The following TMPRSS15 variants were observed in gnomAD, a reference collection of about 807,000 sequenced individuals.
TMPRSS15 encodes enteropeptidase.
In TMPRSS15, 128 loss-of-function variants were observed where a neutral mutation model predicts 125.3. That is an observed-to-expected ratio of 1.02 (90% confidence interval 0.89 to 1.18). The LOEUF (loss-of-function observed/expected upper bound fraction) is 1.18. Ranked by LOEUF, TMPRSS15 falls within the 50% of genes most tolerant of loss-of-function variation. The pLI is 0.00. For missense variants in TMPRSS15, 1,283 were observed against 1,212.7 expected, an observed-to-expected ratio of 1.06 and a Z score of -0.86; for synonymous variants, 446 against 423.2, an observed-to-expected ratio of 1.05 and a Z score of -0.66.
At chr21:18,358,753 A>G (rs554009635) in intron 8 of TMPRSS15, among the ~76,000 whole-genome samples, 2 of 152,146 alleles carry the variant, frequency 1.3e-5, no homozygotes, top group African/African-American at 4.8e-5. Flanking sequence ...GTTTGTTGAA[A>G]ATATTAAAGA....
At chr21:18,271,449 C>T (rs1438573038) in intron 24 of TMPRSS15, among the ~76,000 whole-genome samples, 2 of 152,274 alleles carry the variant, frequency 1.3e-5, no homozygotes, top group East Asian at 3.9e-4. Context: ...GTTGCAGTTA[C>T]TCAAGGATCC....
intron 8 of TMPRSS15, among the ~76,000 whole-genome samples, chr21:18,354,291 G>A (rs1208235864): frequency 1.3e-5 from 2 of 151,720 alleles, no homozygotes; most frequent in Non-Finnish European, 3.0e-5. Context: ...AGAAACAAAA[G>A]AGTATTCTTT....
Position 18,353,828 on chromosome 21 carries a change from T to A in TMPRSS15, c.916A>T (p.Ile306Phe). ...GTGGCAGTAACTTGGTTGGAAAAAA[T>A]TCTTATTGTGCCAGGATTAGTTTCC... ...IWETNPGTIR[I>F]FSNQVTATFL... The change falls in exon 9 of 25, where the codon ATT (isoleucine) becomes TTT (phenylalanine). Residue 306 changes from isoleucine to phenylalanine, a missense_variant. Physicochemically the swap from Ile to Phe is conservative, Grantham distance 21. Coordinates refer to ENST00000284885, the MANE Select transcript of TMPRSS15 (RefSeq NM_002772.3). 1 of 1,611,604 alleles carries A rather than the reference T, an allele frequency of 6.2e-7. No individual in the cohort carries two copies. Among genetic ancestry groups the A allele is most frequent in the Non-Finnish European group, 8.5e-7 (1 of 1,178,298 alleles).
At chr21:18,344,616 A>C (rs1299733685) in intron 10 of TMPRSS15, among the ~76,000 whole-genome samples, 1 of 152,210 alleles carries the variant, frequency 6.6e-6, no homozygotes, top group East Asian at 1.9e-4. Flanking sequence ...ATCACTGAGA[A>C]GCAGAAAGCA....
At chr21:18,325,469 G>T (rs755411552) in intron 16 of TMPRSS15, among the ~76,000 whole-genome samples, 2 of 152,046 alleles carry the variant, frequency 1.3e-5, no homozygotes, top group Non-Finnish European at 2.9e-5. Flanking sequence ...GGTCAGTTGT[G>T]AGTGGAGGAA....
At chr21:18,370,119 A>C (rs954838066) in intron 6 of TMPRSS15, among the ~76,000 whole-genome samples, 2 of 152,058 alleles carry the variant, frequency 1.3e-5, no homozygotes, top group Non-Finnish European at 2.9e-5. Flanking sequence ...CAGTTTGACT[A>C]TATTTTTAAA....
chr21:18,444,052 C>T (rs977163823), intron 1 of TMPRSS15, among the ~76,000 whole-genome samples: 2 of 152,112 alleles, frequency 1.3e-5, no homozygotes, highest in African/African-American at 2.4e-5. Flanking sequence ...ATCCGGATGG[C>T]AGGGTGGGTG....
intron 6 of TMPRSS15, among the ~76,000 whole-genome samples, chr21:18,365,954 C>T (rs1210193338): frequency 1.3e-5 from 2 of 151,752 alleles, no homozygotes; most frequent in East Asian, 3.9e-4. Context: ...AGGCTGGTCT[C>T]GATCTCCTGA....
intron 1 of TMPRSS15, among the ~76,000 whole-genome samples, chr21:18,420,213 C>T (rs1443729996): frequency 6.6e-6 from 1 of 152,206 alleles, no homozygotes; most frequent in Non-Finnish European, 1.5e-5. Flanking sequence ...TGCGTCTATG[C>T]AATGAATGGT....
Position 18,352,886 on chromosome 21 carries a change from A to C in TMPRSS15, c.1171+17T>G. ...TGAATTAAAATCCTTTTGACTTCTG[A>C]ATTAAATGAATTATACCTGAAGCAT... On this transcript the variant is annotated intron_variant, in intron 10 of 24. Coordinates refer to ENST00000284885, the MANE Select transcript of TMPRSS15 (RefSeq NM_002772.3). 6.2e-7 allele frequency: 1 copy of C among 1,611,006 alleles called. No homozygotes were observed. Among genetic ancestry groups the C allele is most frequent in the Admixed American group, 1.7e-5 (1 of 59,906 alleles).
intron 10 of TMPRSS15, among the ~76,000 whole-genome samples, chr21:18,349,745 TA>T (rs1446944050): frequency 6.6e-6 from 1 of 152,200 alleles, no homozygotes; most frequent in Non-Finnish European, 1.5e-5. Context: ...AAACTCCTGC[TA>T]CTACGCTTTC....
chr21:18,416,855 T>G (rs1433066591), intron 1 of TMPRSS15, among the ~76,000 whole-genome samples: 1 of 152,074 alleles, frequency 6.6e-6, no homozygotes, highest in Admixed American at 6.6e-5. Context: ...ACATTTTCTA[T>G]GCTCTTTACT....
At chr21:18,330,801 G>C (rs573213396) in intron 14 of TMPRSS15, among the ~76,000 whole-genome samples, 11 of 152,168 alleles carry the variant, frequency 7.2e-5, no homozygotes, top group African/African-American at 2.6e-4. Context: ...GGCCGGGCAC[G>C]GTGGCTCAAG....
At chr21:18,413,984 ATAG>A (rs1242556806) in intron 1 of TMPRSS15, among the ~76,000 whole-genome samples, 1 of 152,206 alleles carries the variant, frequency 6.6e-6, no homozygotes, top group African/African-American at 2.4e-5. Context: ...TGTTTATGTG[ATAG>A]TAGTAATTAT....
At chr21:18,344,140 A>T in intron 10 of TMPRSS15, 80 bp from the exon 11 acceptor site, 1 of 1,191,996 alleles carries the variant, frequency 8.4e-7, no homozygotes, top group Admixed American at 1.8e-5. Context: ...GTAAGCAGGA[A>T]AGAAAAACTT....
At chr21:18,317,812 CCCATT>C (rs1569004117) in intron 16 of TMPRSS15, among the ~76,000 whole-genome samples, 1 of 66,504 alleles carries the variant, frequency 1.5e-5, no homozygotes, top group African/African-American at 6.6e-5. Flanking sequence ...CCCATCCCAT[CCCATT>C]CTATCCTATC....
At chr21:18,296,022 G>A (rs751056633) in intron 19 of TMPRSS15, among the ~76,000 whole-genome samples, 10 of 152,072 alleles carry the variant, frequency 6.6e-5, no homozygotes, top group Non-Finnish European at 1.0e-4. Flanking sequence ...GCGTGGTGGC[G>A]GGCACCTGTA....
Position 18,270,013 on chromosome 21 carries a change from T to C in TMPRSS15, c.3016A>G (p.Arg1006Gly), listed in dbSNP as rs781646198. ...ATCCATTCGGTAAACCTTGAGACCC[T>C]GGCATACACTCCGGGGCGATTAGGC... ...ALPNRPGVYA[R>G]VSRFTEWIQS... The change falls in exon 25 of 25, where the codon AGG (arginine) becomes GGG (glycine). Residue 1006 changes from arginine to glycine, a missense_variant. Coordinates refer to ENST00000284885, the MANE Select transcript of TMPRSS15 (RefSeq NM_002772.3). 1.2e-6 allele frequency: 2 copies of C among 1,613,836 alleles called. No individual in the cohort carries two copies. Among genetic ancestry groups the C allele is most frequent in the African/African-American group, 2.7e-5 (2 of 74,902 alleles).
At chr21:18,441,431 C>T (rs1261583499) in intron 1 of TMPRSS15, among the ~76,000 whole-genome samples, 1 of 150,942 alleles carries the variant, frequency 6.6e-6, no homozygotes, top group East Asian at 2.0e-4. Flanking sequence ...ATGGTGAAAC[C>T]CCATCTCTAC....
Sources: allele counts gnomAD v4.1 joint callset (sites outside exome capture counted in the v4.1 genomes callset), GRCh38; gene constraint gnomAD v4.1.1; transcripts MANE v1.5; gene names NCBI Gene and HGNC (gene_info 2026-07-23, HGNC 2026-07-21).